TNPO2: variants seen among roughly 807,000 people sequenced by gnomAD.
TNPO2 encodes the protein transportin 2.
A neutral mutation model predicts 111.1 loss-of-function variants in TNPO2; 16 were observed. The ratio of observed to expected loss-of-function variants is 0.14; its 90% CI spans 0.10 to 0.22. The LOEUF (loss-of-function observed/expected upper bound fraction) is 0.22. TNPO2 is among the 10% of genes least tolerant of loss of function. TNPO2 has a pLI of 1.00. For synonymous variants in TNPO2, 481 were observed against 475.8 expected, an observed-to-expected ratio of 1.01 and a Z score of -0.14; for missense variants, 530 against 1,173.7, an observed-to-expected ratio of 0.45 and a Z score of 8.01.
Position 12,702,014 on chromosome 19 carries a change from G to A in TNPO2, c.2411+58C>T. 1 of 1,545,134 alleles carries A rather than the reference G, an allele frequency of 6.5e-7. No individual in the cohort carries two copies. Among genetic ancestry groups the A allele is most frequent in the Non-Finnish European group, 8.9e-7 (1 of 1,118,186 alleles). The stretch of plus-strand genomic sequence containing the variant: ...ATGGGGCTGGAAATGCACAGGCGAG[G>A]GAGGGGGTTGGGCCAGTCCCGCCCA... On this transcript the variant is annotated intron_variant, in intron 22 of 25. Coordinates refer to ENST00000425528, the MANE Select transcript of TNPO2 (RefSeq NM_001382241.1). This position sits in a 1 kb window ranked among gnomAD's most constrained non-coding sequence, Gnocchi z 5.5.
At position 12,705,867 on chromosome 19, in the gene TNPO2, T is replaced by C; in HGVS notation, c.1669-99A>G. The C allele has an allele frequency of 1.1e-6, 1 of 896,884 alleles. No individual in the cohort carries two copies. Among genetic ancestry groups the C allele is most frequent in the African/African-American group, 1.7e-5 (1 of 58,442 alleles). 55.6% of individuals were successfully genotyped at this position (896,884 alleles called of 1,614,324 possible). Reference sequence around the variant, plus strand: ...GTGATGAGGCCTGAGCGCCTCACCGTGGCTCATGGGACCCTGAAAGGCCTG... The same window carrying C: ...GTGATGAGGCCTGAGCGCCTCACCGCGGCTCATGGGACCCTGAAAGGCCTG... On this transcript the variant is annotated intron_variant, in intron 15 of 25. Coordinates refer to ENST00000425528, the MANE Select transcript of TNPO2 (RefSeq NM_001382241.1). The surrounding 1 kb of genome is among the most constrained non-coding windows in gnomAD (Gnocchi z 7.2).
rs776665082 is a variant in TNPO2 at position 12,701,592 on chromosome 19, C to T, written c.2586+6G>A. On this transcript the variant is annotated splice_donor_region_variant and intron_variant, in intron 24 of 25. Coordinates refer to ENST00000425528, the MANE Select transcript of TNPO2 (RefSeq NM_001382241.1). The surrounding 1 kb of genome is among the most constrained non-coding windows in gnomAD (Gnocchi z 5.0). ...GAACTAGATCAGGGCCCAGACAGAG[C>T]CTCACCTTATAAAACATGTCCCGAA... 6.2e-7 allele frequency: 1 copy of T among 1,613,688 alleles called. No individual in the cohort carries two copies. The highest frequency in any genetic ancestry group is 1.1e-5 in the South Asian group (1 of 91,070).
Position 12,721,904 on chromosome 19 carries a change from T to C in TNPO2, c.-13-914A>G, listed in dbSNP as rs1328005823. Reference sequence around the variant, plus strand: ...TGTCAGTAACCCCCTGGTCCGATCCTTGCAGCCTCCCCCAGTTCGGCCTGG... The same window carrying C: ...TGTCAGTAACCCCCTGGTCCGATCCCTGCAGCCTCCCCCAGTTCGGCCTGG... On this transcript the variant is annotated intron_variant, in intron 2 of 25. Transcript: ENST00000425528. This position sits in a 1 kb window ranked among gnomAD's most constrained non-coding sequence, Gnocchi z 4.9. Among the ~76,000 whole-genome samples, 9 of 141,470 alleles carry C rather than the reference T, an allele frequency of 6.4e-5. No individual in the cohort carries two copies. Among genetic ancestry groups the C allele is most frequent in the Admixed American group, 4.3e-4 (6 of 14,050 alleles). The allele number at this position is 141,470 out of a possible 152,430, so 92.8% of individuals were successfully genotyped here.
At position 12,711,386 on chromosome 19, in the gene TNPO2, C is replaced by T. The variant is rs2026034416; in HGVS notation, c.1027G>A (p.Val343Ile). 6.2e-7 allele frequency: 1 copy of T among 1,614,020 alleles called. No individual in the cohort carries two copies. The highest frequency in any genetic ancestry group is 8.5e-7 in the Non-Finnish European group (1 of 1,179,892). The change falls in exon 12 of 26, where the codon GTC becomes ATC. Residue 343 changes from valine to isoleucine, a missense_variant. Coordinates refer to ENST00000425528, the MANE Select transcript of TNPO2 (RefSeq NM_001382241.1). ...IKPRFHKSRT[V>I]TLPHEAERPD... ...CGCTCAGCCTCGTGGGGCAGTGTGA[C>T]CGTGCGTGACTTGTGGAAGCGTGGC...
intron 12 of TNPO2, 27 bp downstream of exon 12, chr19:12,711,269 C>T (rs879501956): frequency 6.2e-7 from 1 of 1,605,818 alleles, no homozygotes; most frequent in Non-Finnish European, 8.5e-7. Flanking sequence ...TGCCACCCCA[C>T]CACCACCCCC....
chr19:12,707,336 TAATTCATGTGTTAATTG>T lies in TNPO2; in HGVS notation c.1271-558_1271-542del, dbSNP rs1171986148. The stretch of plus-strand genomic sequence containing the variant: ...TATTGCGTTAATTCAATTCATGCAT[TAATTCATGTGTTAATTG>T]AATTCATGTGTTAATTCAAAATTGG... On this transcript the variant is annotated intron_variant, in intron 13 of 25. Transcript: ENST00000425528. Among the ~76,000 whole-genome samples, 6 of 152,330 alleles carry T rather than the reference TAATTCATGTGTTAATTG, an allele frequency of 3.9e-5. No homozygotes were observed. In the South Asian group the frequency reaches 6.2e-4, roughly 16 times the overall value.
At chr19:12,711,965 T>A (rs1025887134) in intron 10 of TNPO2, among the ~76,000 whole-genome samples, 1 of 151,752 alleles carries the variant, frequency 6.6e-6, no homozygotes, top group African/African-American at 2.4e-5. Flanking sequence ...TGTTCCAGTA[T>A]AATAAAATAT....
At position 12,701,427 on chromosome 19, in the gene TNPO2, A is replaced by T. The variant is rs770272460; in HGVS notation, c.2613T>A (p.Val871=). Residue 871 remains valine, a synonymous_variant, in exon 25 of 26, where the codon GTT becomes GTA. Transcript: ENST00000425528. The surrounding 1 kb of genome is among the most constrained non-coding windows in gnomAD (Gnocchi z 5.0). ...YKILHGFKDQ[V]GEDNWQQFSE... is the part of the protein sequence containing the mutation. ...AGAACTGCTGCCAGTTATCTTCCCC[A>T]ACTTGGTCTTTGAAGCCGTGGAGAA... 2 of 1,613,894 alleles carry T rather than the reference A, an allele frequency of 1.2e-6. No homozygotes were observed. The highest frequency in any genetic ancestry group is 3.3e-5 in the Admixed American group (2 of 60,012).
chr19:12,711,418 T>C lies in TNPO2; in HGVS notation c.995A>G (p.Asp332Gly), dbSNP rs768197851. 1.2e-6 allele frequency: 2 copies of C among 1,614,010 alleles called. No homozygotes were observed. The highest frequency in any genetic ancestry group is 1.7e-6 in the Non-Finnish European group (2 of 1,179,902). The change falls in exon 12 of 26, where the codon GAC becomes GGC. Residue 332 changes from aspartate (D) to glycine (G), a missense_variant. By Grantham distance (94) the Asp-to-Gly change is moderately conservative (BLOSUM62 -1). This residue lies in a region of TNPO2 where 88 missense variants were observed against 130.2 expected (regional missense o/e 0.68). Coordinates refer to ENST00000425528, the MANE Select transcript of TNPO2 (RefSeq NM_001382241.1). ...EDEAVPDSEQ[D>G]IKPRFHKSRT... ...TGACTTGTGGAAGCGTGGCTTGATG[T>C]CCTGCTCACTGTCGGGGACAGCCTC...
chr19:12,706,581 C>T lies in TNPO2; in HGVS notation c.1485G>A (p.Glu495=), dbSNP rs772007145. The change falls in exon 14 of 26, where the codon GAG becomes GAA. Residue 495 remains glutamate, a synonymous_variant. Transcript: ENST00000425528. This position sits in a 1 kb window ranked among gnomAD's most constrained non-coding sequence, Gnocchi z 7.0. ...GGGTCCAGGGTCACCTGCAGGCCGC[C>T]TCCTGTACCCTCTTGTTGCCATCCA... ...RILDGNKRVQ[E]AACSAFATLE... is the part of the protein sequence containing the mutation. 6.2e-7 allele frequency: 1 copy of T among 1,614,080 alleles called. No homozygotes were observed.
chr19:12,710,675 G>T lies in TNPO2; in HGVS notation c.1216C>A (p.Pro406Thr), dbSNP rs764680710. The T allele has an allele frequency of 6.2e-7, 1 of 1,613,510 alleles. No homozygotes were observed. The highest frequency in any genetic ancestry group is 2.2e-5 in the East Asian group (1 of 44,862). Residue 406 changes from proline (P) to threonine (T), a missense_variant, in exon 13 of 26, where the codon CCC (proline) becomes ACC (threonine). Physicochemically the swap from Pro to Thr is conservative, Grantham distance 38. Coordinates refer to ENST00000425528, the MANE Select transcript of TNPO2 (RefSeq NM_001382241.1). Reference sequence around the variant, plus strand: ...CCCGACTCCTTGACCACCCACTCGGGGTGGAAGAGGAGGCCTTTGAGTAGT... The same window carrying T: ...CCCGACTCCTTGACCACCCACTCGGTGTGGAAGAGGAGGCCTTTGAGTAGT... ...LPLLKGLLFH[P>T]EWVVKESGIL...
chr19:12,715,796 C>T lies in TNPO2; in HGVS notation c.326-57G>A. 1.4e-6 allele frequency: 2 copies of T among 1,386,602 alleles called. No homozygotes were observed. The highest frequency in any genetic ancestry group is 1.0e-6 in the Non-Finnish European group (1 of 1,003,866). The allele number at this position is 1,386,602 out of a possible 1,614,324, so 85.9% of individuals were successfully genotyped here. On this transcript the variant is annotated intron_variant, in intron 5 of 25. Transcript: ENST00000425528. This position sits in a 1 kb window ranked among gnomAD's most constrained non-coding sequence, Gnocchi z 7.1. ...GCTGGGCAGGGGCTGCCTAGCACCT[C>T]CCCCTCCCACTGGACACCCCCAGTG...
At position 12,699,383 on chromosome 19, in the gene TNPO2, T is replaced by A. The variant is rs1247311345; in HGVS notation, c.*1881A>T. On this transcript the variant is annotated 3_prime_UTR_variant, in exon 26 of 26. Transcript: ENST00000425528. ...GCCAGTCTGGGTCCACAGCCCTGGG[T>A]AGGGGAGAAGGTTGAGAAGCTGAAA... 9.9e-6 allele frequency: 2 copies of A among 201,134 alleles called. No homozygotes were observed. The highest frequency in any genetic ancestry group is 1.1e-4 in the Admixed American group (2 of 17,402). 12.5% of individuals were successfully genotyped at this position (201,134 alleles called of 1,614,324 possible).
In TNPO2 at chr19:12,706,652, C is replaced by T. The variant is rs1184825366; in HGVS notation, c.1414G>A (p.Asp472Asn). 3.1e-6 allele frequency: 5 copies of T among 1,613,922 alleles called. No individual in the cohort carries two copies. The highest frequency in any genetic ancestry group is 1.1e-5 in the South Asian group (1 of 91,086). ...YAHWVVSQPP[D>N]MHLKPLMTEL... is the part of the protein sequence containing the mutation. ...GTCATCAGGGGCTTGAGGTGCATGT[C>T]GGGTGGCTGGCTGACCACCCAGTGG... is the stretch of plus-strand genomic sequence containing the variant. The change falls in exon 14 of 26, where the codon GAC becomes AAC. Residue 472 changes from aspartate (D) to asparagine (N), a missense_variant. Asp to Asn is a conservative substitution (Grantham distance 23, BLOSUM62 1). Coordinates refer to ENST00000425528, the MANE Select transcript of TNPO2 (RefSeq NM_001382241.1). This position sits in a 1 kb window ranked among gnomAD's most constrained non-coding sequence, Gnocchi z 7.0.
rs1390465410 is a variant in TNPO2, at chr19:12,721,401, C to T, written c.-13-411G>A. On this transcript the variant is annotated intron_variant, in intron 2 of 25. Transcript: ENST00000425528. The surrounding 1 kb of genome is among the most constrained non-coding windows in gnomAD (Gnocchi z 4.9). Reference sequence around the variant, plus strand: ...GCCCCGCCCCAGACCGTGATAGCGCCCCGGCCCCCGTGGTCTCTTCTATGC... The same window carrying T: ...GCCCCGCCCCAGACCGTGATAGCGCTCCGGCCCCCGTGGTCTCTTCTATGC... The T allele has an allele frequency of 1.8e-5, 15 of 851,754 alleles. No individual in the cohort carries two copies. Among genetic ancestry groups the T allele is most frequent in the Non-Finnish European group, 2.5e-5 (15 of 598,196 alleles). The allele number at this position is 851,754 out of a possible 1,614,324, so 52.8% of individuals were successfully genotyped here. A position where few individuals can be genotyped will look rare whatever the true frequency, so the allele number is the denominator to read the frequency against.
At chr19:12,711,030 G>C (rs1343363594) in intron 12 of TNPO2, among the ~76,000 whole-genome samples, 2 of 152,144 alleles carry the variant, frequency 1.3e-5, no homozygotes, top group Non-Finnish European at 2.9e-5. Flanking sequence ...GAGTAGCTGG[G>C]ACTACAGGCG....
chr19:12,713,072 G>A (rs1454052796), intron 10 of TNPO2, among the ~76,000 whole-genome samples: 1 of 152,158 alleles, frequency 6.6e-6, no homozygotes, highest in Non-Finnish European at 1.5e-5. Context: ...TCTTGACCCA[G>A]GCCTGGCCAC....
chr19:12,715,991 T>G lies in TNPO2; in HGVS notation c.326-252A>C, dbSNP rs2026344912. On this transcript the variant is annotated intron_variant, in intron 5 of 25. Transcript: ENST00000425528. The surrounding 1 kb of genome is among the most constrained non-coding windows in gnomAD (Gnocchi z 7.1). ...CTCAAGCCATCTTCCTGCCTCAGCC[T>G]CCTAAGTAGCTGGGACTGCAGGCAC... Among the ~76,000 whole-genome samples the G allele has an allele frequency of 1.3e-5, 2 of 152,016 alleles. No homozygotes were observed. Among genetic ancestry groups the G allele is most frequent in the Admixed American group, 1.3e-4 (2 of 15,250 alleles).
intron 20 of TNPO2, chr19:12,703,161 C>A: frequency 1.7e-6 from 1 of 588,070 alleles, no homozygotes; most frequent in South Asian, 2.2e-5. Context: ...AACACGCTGC[C>A]CAAGTCAAAG....
Sources: gnomAD v4.1 joint callset for allele counts (sites outside exome capture counted in the v4.1 genomes callset) on GRCh38, gnomAD v4.1.1 for gene constraint, gnomAD v4.1.1 regional missense constraint, Gnocchi (gnomAD v3.1) non-coding constraint, MANE v1.5 for transcripts, NCBI Gene and HGNC (gene_info 2026-07-23, HGNC 2026-07-21) for gene names.